Variants in ART3 observed in about 807,000 individuals in gnomAD.
The protein encoded by ART3 is ecto-ADP-ribosyltransferase 3.
In ART3, 49 loss-of-function variants were observed where a neutral mutation model predicts 48.5. That is an observed-to-expected ratio of 1.01 (90% CI 0.80 to 1.28). ART3 has a LOEUF of 1.28. Ranked by LOEUF, ART3 falls within the 50% of genes most tolerant of loss-of-function variation. The pLI, the probability that ART3 is intolerant of heterozygous loss-of-function variation, is 0.00. For missense variants in ART3, 438 were observed against 454.3 expected (o/e 0.96, Z 0.33); for synonymous variants, 145 against 157.2 (o/e 0.92, Z 0.58).
intron 1 of ART3, chr4:76,058,569 A>G (rs1030276060): frequency 6.6e-5 from 10 of 152,310 alleles, no homozygotes; most frequent in Non-Finnish European, 1.0e-4. Flanking sequence ...AGATATATTC[A>G]TTTCTGTCTT....
chr4:76,019,119 A>G (rs575215989), intron 1 of ART3, among the ~76,000 whole-genome samples: 57 of 152,156 alleles, frequency 3.7e-4, no homozygotes, highest in Non-Finnish European at 7.6e-4. Flanking sequence ...GAACATAATA[A>G]GATTCTTTGT....
intron 2 of ART3, among the ~76,000 whole-genome samples, chr4:76,080,656 G>A (rs910127586): frequency 1.3e-5 from 2 of 151,904 alleles, no homozygotes; most frequent in African/African-American, 2.4e-5. Flanking sequence ...GATTACAGGC[G>A]CCTGCCACTA....
At chr4:76,041,308 C>G (rs1380277006) in intron 1 of ART3, 11 of 152,286 alleles carry the variant, frequency 7.2e-5, no homozygotes, top group African/African-American at 2.4e-4. Context: ...TCTGGTGAGC[C>G]TGAGAGATCC....
At chr4:76,090,730 A>T (rs1002750680) in intron 3 of ART3, among the ~76,000 whole-genome samples, 3 of 152,222 alleles carry the variant, frequency 2.0e-5, no homozygotes, top group Admixed American at 2.0e-4. Context: ...AGAAAAAAAA[A>T]TTTAATAGCT....
intron 5 of ART3, 160 bp downstream of exon 5, chr4:76,099,147 CA>C: frequency 1.5e-6 from 1 of 654,984 alleles, no homozygotes; most frequent in Non-Finnish European, 2.8e-6. Context: ...ACAAAAAATA[CA>C]AAACTTAGCC....
chr4:76,061,088 TAACA>T (rs1209050536), intron 1 of ART3, among the ~76,000 whole-genome samples: 2 of 152,210 alleles, frequency 1.3e-5, no homozygotes, highest in Non-Finnish European at 2.9e-5. Flanking sequence ...ACAGCAACAG[TAACA>T]AACTATTGCA....
Position 76,104,630 on chromosome 4 carries a change from G to A in ART3, c.1003+1G>A. 6.4e-7 allele frequency: 1 copy of A among 1,551,492 alleles called. No homozygotes were observed. Among genetic ancestry groups the A allele is most frequent in the Non-Finnish European group, 8.7e-7 (1 of 1,146,864 alleles). The stretch of plus-strand genomic sequence containing the variant: ...ATTCCAGAACCTTTTCCACTACCTG[G>A]TAAGCAACTGATAGGCATGCCAGAG... On this transcript the variant is annotated splice_donor_variant, in intron 10 of 11. Transcript: ENST00000355810. LOFTEE classifies it high-confidence loss of function.
At chr4:76,023,518 G>A in intron 1 of ART3, 1 of 1,218,794 alleles carries the variant, frequency 8.2e-7, no homozygotes, top group South Asian at 1.2e-5. Flanking sequence ...GGGCTAGTGT[G>A]CCATATTTAT....
At chr4:76,037,237 T>G (rs1406376473) in intron 1 of ART3, among the ~76,000 whole-genome samples, 2 of 103,196 alleles carry the variant, frequency 1.9e-5, no homozygotes, top group Non-Finnish European at 3.8e-5. Flanking sequence ...TAATTCCTAT[T>G]TTTTTGTCTT....
At chr4:76,029,456 A>T (rs1384478486) in intron 1 of ART3, among the ~76,000 whole-genome samples, 1 of 152,178 alleles carries the variant, frequency 6.6e-6, no homozygotes, top group African/African-American at 2.4e-5. Context: ...TTTCAGTGTT[A>T]TGTGATAATC....
chr4:76,066,785 CA>C (rs1313370681), intron 1 of ART3, among the ~76,000 whole-genome samples: 1 of 152,168 alleles, frequency 6.6e-6, no homozygotes, highest in Non-Finnish European at 1.5e-5. Flanking sequence ...ACTGGAGACC[CA>C]CCCCCTTCCA....
chr4:76,016,753 A>G (rs536582922), intron 1 of ART3, among the ~76,000 whole-genome samples: 3 of 152,294 alleles, frequency 2.0e-5, no homozygotes, highest in South Asian at 2.1e-4. Flanking sequence ...CTGGTGCTCT[A>G]TTCTGTTGCG....
At chr4:76,022,043 A>G in intron 1 of ART3, 3 of 1,186,104 alleles carry the variant, frequency 2.5e-6, no homozygotes, top group Non-Finnish European at 3.8e-6. Flanking sequence ...TAGAATAGAT[A>G]ACTGAGCTTT....
intron 1 of ART3, among the ~76,000 whole-genome samples, chr4:76,043,639 C>T (rs1038962764): frequency 4.7e-4 from 72 of 152,148 alleles, no homozygotes; most frequent in African/African-American, 1.5e-3. Context: ...AAGCGCTGTG[C>T]GCAGCCCTGG....
intron 5 of ART3, chr4:76,099,419 G>C (rs1052801413): frequency 5.4e-6 from 1 of 184,458 alleles, no homozygotes; most frequent in African/African-American, 2.4e-5. Context: ...GCCTATATGA[G>C]AGGAAAAAAA....
chr4:76,030,539 G>A (rs1360745024), intron 1 of ART3, among the ~76,000 whole-genome samples: 3 of 152,136 alleles, frequency 2.0e-5, no homozygotes. Context: ...ATTCAGTGGA[G>A]TTAAGTACTT....
chr4:76,100,657 GC>G, intron 6 of ART3, 137 bp from the exon 7 acceptor site: 1 of 1,009,696 alleles, frequency 9.9e-7, no homozygotes, highest in Non-Finnish European at 1.5e-6. Context: ...AATTCTGGGG[GC>G]TTGCATTTTG....
intron 11 of ART3, among the ~76,000 whole-genome samples, chr4:76,111,007 A>C (rs916703566): frequency 6.6e-6 from 1 of 152,222 alleles, no homozygotes; most frequent in Admixed American, 6.5e-5. Flanking sequence ...AATCAAAAGA[A>C]ACGTAAATGT....
In ART3 at chr4:76,022,782, T is replaced by A. The variant is rs557248373; in HGVS notation, c.-10+11462T>A. 9.5e-5 allele frequency: 153 copies of A among 1,612,706 alleles called. 1 individual carries two copies. In the South Asian group the frequency reaches 1.7e-3, roughly 17 times the overall value. On this transcript the variant is annotated intron_variant, in intron 1 of 9. Transcript: ENST00000341029. ...TTAACAGGTTGATTACTAATGCTGATGCAGGTACAGCGTACAGTTCTAGAG... is the reference window on the plus strand; with the variant it reads ...TTAACAGGTTGATTACTAATGCTGAAGCAGGTACAGCGTACAGTTCTAGAG...
Sources: allele counts gnomAD v4.1 joint callset (sites outside exome capture counted in the v4.1 genomes callset), GRCh38; gene constraint gnomAD v4.1.1; transcripts MANE v1.5; gene names NCBI Gene and HGNC (gene_info 2026-07-23, HGNC 2026-07-21).